KCNH1: variants seen among roughly 807,000 people sequenced by gnomAD.
The protein encoded by KCNH1 is voltage-gated delayed rectifier potassium channel KCNH1.
KCNH1 carries 27 observed loss-of-function variants against 69.2 expected under a neutral mutation model. The ratio of observed to expected loss-of-function variants is 0.39; its 90% CI spans 0.29 to 0.54. KCNH1 has a LOEUF of 0.54. KCNH1 is among the 20% of genes least tolerant of loss of function. The pLI is 0.68. For missense variants in KCNH1, 798 were observed against 1,261.6 expected, an observed-to-expected ratio of 0.63 and a Z score of 5.57; for synonymous variants, 456 against 487.7, an observed-to-expected ratio of 0.93 and a Z score of 0.86.
chr1:210,874,388 T>C (rs1198331334), intron 7 of KCNH1, among the ~76,000 whole-genome samples: 1 of 152,232 alleles, frequency 6.6e-6, no homozygotes, highest in Non-Finnish European at 1.5e-5. Context: ...ATCCTGATAC[T>C]ATGACTAAGC....
At chr1:210,707,876 C>A (rs770757061) in intron 10 of KCNH1, among the ~76,000 whole-genome samples, 10 of 152,160 alleles carry the variant, frequency 6.6e-5, no homozygotes, top group Non-Finnish European at 1.2e-4. Context: ...GAGATTGAAT[C>A]TATTCAGGCA....
At chr1:211,126,805 A>C (rs1468090449) in intron 1 of KCNH1, among the ~76,000 whole-genome samples, 2 of 152,144 alleles carry the variant, frequency 1.3e-5, no homozygotes, top group African/African-American at 4.8e-5. Context: ...CCAAGACAGC[A>C]TGCCAAAGAA....
At chr1:211,047,449 G>A (rs1690113396) in intron 5 of KCNH1, among the ~76,000 whole-genome samples, 1 of 152,150 alleles carries the variant, frequency 6.6e-6, no homozygotes, top group Non-Finnish European at 1.5e-5. Flanking sequence ...GTGGGGACAC[G>A]CTTACAGAGA....
chr1:210,988,296 C>T (rs903336928), intron 6 of KCNH1, among the ~76,000 whole-genome samples: 2 of 152,088 alleles, frequency 1.3e-5, no homozygotes, highest in African/African-American at 4.8e-5. Context: ...TGTTCTGCAC[C>T]CACTGTCCGG....
At chr1:210,981,877 G>C (rs1688716799) in intron 6 of KCNH1, among the ~76,000 whole-genome samples, 1 of 152,100 alleles carries the variant, frequency 6.6e-6, no homozygotes, top group Non-Finnish European at 1.5e-5. Context: ...GGGTAAAGAG[G>C]GGCCAGGGGA....
chr1:210,920,814 A>C (rs1276898918), intron 6 of KCNH1, among the ~76,000 whole-genome samples: 1 of 152,206 alleles, frequency 6.6e-6, no homozygotes, highest in Non-Finnish European at 1.5e-5. Context: ...CAGGCCAGGG[A>C]TTATATCATC....
intron 9 of KCNH1, among the ~76,000 whole-genome samples, chr1:210,778,149 C>G (rs1440333687): frequency 6.6e-6 from 1 of 152,190 alleles, no homozygotes; most frequent in Non-Finnish European, 1.5e-5. Context: ...ATGACTATAG[C>G]CCCAGTCAAT....
chr1:210,747,930 T>C (rs1189162460), intron 10 of KCNH1, among the ~76,000 whole-genome samples: 1 of 152,114 alleles, frequency 6.6e-6, no homozygotes, highest in Non-Finnish European at 1.5e-5. Context: ...ATGAGATCCT[T>C]TGACAGGGAA....
rs1307855008 is a variant in KCNH1, at chr1:211,103,544, CA to C, written c.261del (p.Phe87LeufsTer6). 6.2e-7 allele frequency: 1 copy of C among 1,613,558 alleles called. No individual in the cohort carries two copies. The highest frequency in any genetic ancestry group is 8.5e-7 in the Non-Finnish European group (1 of 1,179,796). On this transcript the variant is annotated frameshift_variant, in exon 3 of 11. Coordinates refer to ENST00000271751, the MANE Select transcript of KCNH1 (RefSeq NM_172362.3). LOFTEE classifies it high-confidence loss of function. ...KDTIEKVRQT[F>X]ENYEMNSFEI... ...TCAAAGGAATTCATCTCATAGTTCT[CA>C]AATGTTTGCCGCACTTTTTCAATCG... is the stretch of plus-strand genomic sequence containing the variant.
chr1:210,986,161 T>C (rs553073040), intron 6 of KCNH1, among the ~76,000 whole-genome samples: 1 of 152,334 alleles, frequency 6.6e-6, no homozygotes, highest in South Asian at 2.1e-4. Flanking sequence ...TCCCTTTATT[T>C]TGAGCCTATG....
intron 9 of KCNH1, among the ~76,000 whole-genome samples, chr1:210,793,069 T>C (rs1045729409): frequency 3.3e-5 from 5 of 152,190 alleles, no homozygotes; most frequent in African/African-American, 7.2e-5. Context: ...AAAATGCACA[T>C]GTGAAAATCT....
intron 1 of KCNH1, among the ~76,000 whole-genome samples, chr1:211,130,856 G>C (rs1161812937): frequency 6.6e-6 from 1 of 152,130 alleles, no homozygotes; most frequent in East Asian, 1.9e-4. Context: ...ACTGACAAAG[G>C]TGAACAGACT....
chr1:210,907,295 G>C (rs1687122165), intron 7 of KCNH1, among the ~76,000 whole-genome samples: 1 of 152,120 alleles, frequency 6.6e-6, no homozygotes, highest in Non-Finnish European at 1.5e-5. Flanking sequence ...ACCCAGTGGG[G>C]AAGGACTCAC....
intron 10 of KCNH1, among the ~76,000 whole-genome samples, chr1:210,721,607 G>A (rs775573058): frequency 1.5e-4 from 23 of 152,106 alleles, no homozygotes; most frequent in Admixed American, 7.9e-4. Context: ...AGGCATGAAG[G>A]AGACTCTGTC....
intron 5 of KCNH1, among the ~76,000 whole-genome samples, chr1:211,050,260 T>TAAAAAAAAAAACAAAAAAAA (rs1690174190): frequency 1.7e-5 from 1 of 58,580 alleles, no homozygotes; most frequent in Non-Finnish European, 3.1e-5. Context: ...CACACATTCT[T>TAAAAAAAAAAACAAAAAAAA]AAAAAAAAAA....
chr1:210,859,914 A>T (rs1164249088), intron 7 of KCNH1: 2 of 1,406,066 alleles, frequency 1.4e-6, no homozygotes, highest in Admixed American at 1.7e-5. Context: ...ATTATAATGT[A>T]AAGCTGCAAT....
At chr1:210,833,232 A>C (rs1211084244) in intron 7 of KCNH1, among the ~76,000 whole-genome samples, 1 of 152,226 alleles carries the variant, frequency 6.6e-6, no homozygotes, top group Non-Finnish European at 1.5e-5. Context: ...ACACAACCTG[A>C]GAATTATTCA....
chr1:210,941,356 A>G (rs1031393181), intron 6 of KCNH1, among the ~76,000 whole-genome samples: 4 of 152,146 alleles, frequency 2.6e-5, no homozygotes, highest in Non-Finnish European at 5.9e-5. Context: ...GCCTCCTGAC[A>G]AGCACCAAGA....
chr1:211,085,251 A>T (rs796849876), intron 4 of KCNH1, among the ~76,000 whole-genome samples: 7 of 152,328 alleles, frequency 4.6e-5, no homozygotes, highest in African/African-American at 1.7e-4. Flanking sequence ...GCCATGGTTT[A>T]TAAGTGGGAG....
Sources: gnomAD v4.1 joint callset for allele counts (sites outside exome capture counted in the v4.1 genomes callset) on GRCh38, gnomAD v4.1.1 for gene constraint, MANE v1.5 for transcripts, NCBI Gene and HGNC (gene_info 2026-07-23, HGNC 2026-07-21) for gene names.